The following TUB variants were observed in gnomAD, a reference collection of about 807,000 sequenced individuals.
TUB encodes tubby protein homolog.
Under a neutral mutation model 59.7 loss-of-function variants are expected in TUB, and 33 were observed. The ratio of observed to expected loss-of-function variants is 0.55; its 90% CI spans 0.42 to 0.74. The LOEUF is 0.74. Ranked by LOEUF, TUB falls within the 30% of genes least tolerant of loss-of-function variation. The pLI, the probability that TUB is intolerant of heterozygous loss-of-function variation, is 0.00. For synonymous variants in TUB, 293 were observed against 256.4 expected, an observed-to-expected ratio of 1.14 and a Z score of -1.36; for missense variants, 659 against 672.0, an observed-to-expected ratio of 0.98 and a Z score of 0.21.
chr11:8,085,688 A>G (rs995971776), intron 1 of TUB, among the ~76,000 whole-genome samples: 1 of 152,326 alleles, frequency 6.6e-6, no homozygotes, highest in Admixed American at 6.5e-5. Flanking sequence ...GTCAACATGG[A>G]AAGTGTGGCC....
chr11:8,090,966 T>C (rs1943759906), intron 3 of TUB, among the ~76,000 whole-genome samples: 1 of 152,172 alleles, frequency 6.6e-6, no homozygotes, highest in Non-Finnish European at 1.5e-5. Context: ...CACTGCCCCC[T>C]GCTGGTGCTA....
intron 2 of TUB, among the ~76,000 whole-genome samples, chr11:8,051,806 G>C (rs1942939447): frequency 6.6e-6 from 1 of 152,102 alleles, no homozygotes; most frequent in Non-Finnish European, 1.5e-5. Context: ...CTACTTAACA[G>C]TTTTCTTTTT....
intron 3 of TUB, among the ~76,000 whole-genome samples, chr11:8,091,283 T>G (rs916470608): frequency 8.5e-5 from 13 of 152,322 alleles, no homozygotes; most frequent in Admixed American, 2.6e-4. Context: ...CTCACTTGCC[T>G]GGTGCCCAGT....
intron 2 of TUB, among the ~76,000 whole-genome samples, chr11:8,054,807 G>A (rs1942992307): frequency 6.6e-6 from 1 of 152,204 alleles, no homozygotes; most frequent in African/African-American, 2.4e-5. Context: ...CTGTGTTACT[G>A]TCACTGGGAG....
At chr11:8,033,369 G>C (rs985655024) in intron 1 of TUB, among the ~76,000 whole-genome samples, 10 of 152,200 alleles carry the variant, frequency 6.6e-5, no homozygotes, top group Admixed American at 3.3e-4. Flanking sequence ...CTAGGTGTCC[G>C]CCCCAGTTTG....
chr11:8,101,985 C>A lies in TUB; in HGVS notation c.*366C>A. 1 of 252,132 alleles carries A rather than the reference C, an allele frequency of 4.0e-6. No homozygotes were observed. 15.6% of individuals were successfully genotyped at this position (252,132 alleles called of 1,614,324 possible). ...GAGGGAGAGGAAGCACACTGCAGGGCTGCTGTGGCCCAGTCGTCCGCTCAG... is the reference window on the plus strand; with the variant it reads ...GAGGGAGAGGAAGCACACTGCAGGGATGCTGTGGCCCAGTCGTCCGCTCAG... On this transcript the variant is annotated 3_prime_UTR_variant, in exon 12 of 12. Coordinates refer to ENST00000299506, the MANE Select transcript of TUB (RefSeq NM_177972.3).
At chr11:8,048,976 A>G (rs746993488) in intron 2 of TUB, among the ~76,000 whole-genome samples, 13 of 152,212 alleles carry the variant, frequency 8.5e-5, no homozygotes, top group South Asian at 8.3e-4. Context: ...GAGAATCCCT[A>G]TGAATTCCCA....
chr11:8,058,277 A>G (rs1443417180), intron 2 of TUB, among the ~76,000 whole-genome samples: 1 of 152,000 alleles, frequency 6.6e-6, no homozygotes, highest in African/African-American at 2.4e-5. Flanking sequence ...TTATGTTTAC[A>G]AAGGTAATAT....
At chr11:8,069,448 T>C (rs747720298) in intron 2 of TUB, 1 of 152,046 alleles carries the variant, frequency 6.6e-6, no homozygotes, top group Non-Finnish European at 1.5e-5. Context: ...AATTAAGTTC[T>C]TAGAGTAGAT....
At chr11:8,101,435 T>A in intron 11 of TUB, 51 bp from the exon 12 acceptor site, 3 of 1,608,954 alleles carry the variant, frequency 1.9e-6, no homozygotes, top group Non-Finnish European at 2.5e-6. Flanking sequence ...TCCCTGGCTC[T>A]ACCATTCCTG....
At position 8,095,039 on chromosome 11, in the gene TUB, C is replaced by T. The variant is rs553164070; in HGVS notation, c.398-459C>T. Among the ~76,000 whole-genome samples the T allele has an allele frequency of 5.3e-5, 8 of 152,298 alleles. No individual in the cohort carries two copies. In the East Asian group the frequency reaches 1.5e-3, roughly 29 times the overall value. The stretch of plus-strand genomic sequence containing the variant: ...GCCAATTGCAATCTTTCTCAAGGGG[C>T]CCACGTTTTTAATGATGTATGTGAG... On this transcript the variant is annotated intron_variant, in intron 4 of 11. Transcript: ENST00000299506.
chr11:8,055,102 G>C (rs1157577069), intron 2 of TUB, among the ~76,000 whole-genome samples: 2 of 152,186 alleles, frequency 1.3e-5, no homozygotes, highest in Middle Eastern at 3.2e-3. Context: ...AGTCAGGGCA[G>C]CTGTCTGCTG....
At chr11:8,053,445 G>C (rs1003329328) in intron 2 of TUB, among the ~76,000 whole-genome samples, 2 of 151,980 alleles carry the variant, frequency 1.3e-5, no homozygotes, top group African/African-American at 4.8e-5. Context: ...ATGTATTGCT[G>C]AGTGATTCCT....
intron 1 of TUB, among the ~76,000 whole-genome samples, chr11:8,026,278 CA>C (rs1226789405): frequency 6.6e-6 from 1 of 151,748 alleles, no homozygotes; most frequent in Non-Finnish European, 1.5e-5. Flanking sequence ...TATGTATTTT[CA>C]AGAGAAGTTT....
rs780917279 is a variant in TUB at position 8,097,825 on chromosome 11, C to T, written c.997C>T (p.Arg333Trp). ...RGGDSYIGKL[R>W]SNLMGTKFTV... ...AGGGGACAGCTATATCGGGAAACTGCGGTACTAGCATTCCCCCAGGAAGCA... is the reference window on the plus strand; with the variant it reads ...AGGGGACAGCTATATCGGGAAACTGTGGTACTAGCATTCCCCCAGGAAGCA... Residue 333 changes from arginine (R) to tryptophan (W), a missense_variant and splice_region_variant, in exon 8 of 12, where the codon CGG becomes TGG. Physicochemically the swap from Arg to Trp is moderately radical, Grantham distance 101 (BLOSUM62 -3). Transcript: ENST00000299506. 2.5e-6 allele frequency: 4 copies of T among 1,611,210 alleles called. No individual in the cohort carries two copies. Among genetic ancestry groups the T allele is most frequent in the South Asian group, 2.2e-5 (2 of 90,854 alleles).
At chr11:8,075,179 T>G (rs1332041426) in intron 2 of TUB, among the ~76,000 whole-genome samples, 1 of 152,246 alleles carries the variant, frequency 6.6e-6, no homozygotes, top group African/African-American at 2.4e-5. Flanking sequence ...ATTTCCCCTA[T>G]TAGCAATAAA....
At chr11:8,042,881 A>G (rs1279778562) in intron 2 of TUB, among the ~76,000 whole-genome samples, 3 of 152,236 alleles carry the variant, frequency 2.0e-5, no homozygotes, top group Middle Eastern at 6.8e-3. Flanking sequence ...ATTTTATTCT[A>G]TTCTGTGGTT....
At chr11:8,098,619 G>C (rs1589986731) in intron 8 of TUB, 139 bp from the exon 9 acceptor site, 1 of 648,100 alleles carries the variant, frequency 1.5e-6, no homozygotes, top group East Asian at 2.7e-5. Flanking sequence ...TGTGGATTCA[G>C]TGAGCAGTAT....
chr11:8,089,210 C>T (rs1010910056), intron 1 of TUB, among the ~76,000 whole-genome samples: 5 of 152,164 alleles, frequency 3.3e-5, no homozygotes, highest in Non-Finnish European at 2.9e-5. Context: ...GGTGAGATCC[C>T]AGTAGGGAGC....
Sources: gnomAD v4.1 joint callset for allele counts (sites outside exome capture counted in the v4.1 genomes callset) on GRCh38, gnomAD v4.1.1 for gene constraint, MANE v1.5 for transcripts, NCBI Gene and HGNC (gene_info 2026-07-23, HGNC 2026-07-21) for gene names.